Variants in DAB1 observed in about 807,000 individuals in gnomAD.
DAB1 encodes DAB adaptor protein 1.
A neutral mutation model predicts 64.6 loss-of-function variants in DAB1; 15 were observed. That is an observed-to-expected ratio of 0.23 (90% CI 0.16 to 0.36). The LOEUF (loss-of-function observed/expected upper bound fraction) is 0.36, where lower values mean the gene tolerates loss of function less well. Among genes scored for constraint, DAB1 ranks in the 10% least tolerant of loss-of-function variants. The probability of loss-of-function intolerance (pLI) is 1.00; values close to 1 mark genes in which losing one functional copy is unlikely to be tolerated. For missense variants in DAB1, 596 were observed against 706.7 expected (o/e 0.84, Z 1.78); for synonymous variants, 235 against 251.9 (o/e 0.93, Z 0.64).
At chr1:57,967,565 G>A (rs1303311726) in intron 5 of DAB1, among the ~76,000 whole-genome samples, 2 of 152,176 alleles carry the variant, frequency 1.3e-5, no homozygotes, top group Non-Finnish European at 2.9e-5. Flanking sequence ...GGGACAAGGT[G>A]TAGAGTTGGA....
At chr1:57,215,441 C>A (rs1315390889) in intron 2 of DAB1, among the ~76,000 whole-genome samples, 2 of 152,182 alleles carry the variant, frequency 1.3e-5, no homozygotes, top group African/African-American at 4.8e-5. Context: ...ATAGCTTCAT[C>A]TGAAAATTCT....
chr1:58,297,292 G>C (rs552870684), intron 4 of DAB1, among the ~76,000 whole-genome samples: 103 of 152,264 alleles, frequency 6.8e-4, no homozygotes, highest in Non-Finnish European at 1.0e-3. Flanking sequence ...TATTTTAAAT[G>C]ACCTGTAACT....
At chr1:57,135,018 T>C (rs1422514144) in intron 4 of DAB1, among the ~76,000 whole-genome samples, 1 of 152,220 alleles carries the variant, frequency 6.6e-6, no homozygotes, top group Non-Finnish European at 1.5e-5. Flanking sequence ...GAATAATGTA[T>C]GTAAACTGAC....
At chr1:58,498,318 T>C (rs1645840056) in intron 3 of DAB1, among the ~76,000 whole-genome samples, 1 of 152,146 alleles carries the variant, frequency 6.6e-6, no homozygotes, top group African/African-American at 2.4e-5. Context: ...TCACCCTTGA[T>C]TTTACAACTG....
intron 4 of DAB1, among the ~76,000 whole-genome samples, chr1:58,290,266 A>T (rs1661783153): frequency 6.6e-6 from 1 of 152,186 alleles, no homozygotes. Flanking sequence ...GGGATCAGGG[A>T]AGAGCAAACT....
At chr1:57,395,111 A>G (rs1208456804) in intron 1 of DAB1, among the ~76,000 whole-genome samples, 1 of 152,000 alleles carries the variant, frequency 6.6e-6, no homozygotes, top group South Asian at 2.1e-4. Flanking sequence ...TGCAACCTCC[A>G]CCTCCGGGTT....
intron 1 of DAB1, among the ~76,000 whole-genome samples, chr1:57,325,528 C>G (rs759426928): frequency 2.0e-5 from 3 of 152,172 alleles, no homozygotes; most frequent in Non-Finnish European, 2.9e-5. Flanking sequence ...AGAGCAGGTG[C>G]TATTATTATA....
chr1:57,997,686 G>C (rs1386663297), intron 5 of DAB1, among the ~76,000 whole-genome samples: 1 of 152,108 alleles, frequency 6.6e-6, no homozygotes, highest in Admixed American at 6.6e-5. Context: ...AGGGAGAATA[G>C]AAGTGGGGTC....
chr1:58,041,740 A>G lies in DAB1; in HGVS notation n.387+108771T>C, dbSNP rs80290548. On this transcript the variant is annotated intron_variant and non_coding_transcript_variant, in intron 5 of 20. Transcript: ENST00000485760. ...GCTCAAATTCCTCTAGCAAGCTAGA[A>G]TTGGCATTGGCTTCCTGTGTGCTCT... is the stretch of plus-strand genomic sequence containing the variant. Among the ~76,000 whole-genome samples the G allele has an allele frequency of 2.2e-3, 339 of 152,310 alleles. 6 individuals carry two copies. In the East Asian group the frequency reaches 0.046, roughly 21 times the overall value.
intron 5 of DAB1, among the ~76,000 whole-genome samples, chr1:58,099,791 TA>T (rs1393192470): frequency 2.0e-5 from 3 of 152,234 alleles, no homozygotes; most frequent in Admixed American, 2.0e-4. Flanking sequence ...GAAAAAAGTT[TA>T]TTGTGCAAGG....
intron 3 of DAB1, among the ~76,000 whole-genome samples, chr1:58,445,789 C>A (rs1325970348): frequency 6.6e-6 from 1 of 152,204 alleles, no homozygotes; most frequent in Non-Finnish European, 1.5e-5. Context: ...ATAGGAATCA[C>A]TCCACTTGTT....
chr1:58,233,147 G>A (rs1659857764), intron 4 of DAB1, among the ~76,000 whole-genome samples: 1 of 152,180 alleles, frequency 6.6e-6, no homozygotes, highest in Non-Finnish European at 1.5e-5. Context: ...AAAGTAGGGA[G>A]CATTTTCTTA....
intron 2 of DAB1, among the ~76,000 whole-genome samples, chr1:57,151,283 T>C (rs569229768): frequency 6.6e-6 from 1 of 152,300 alleles, no homozygotes; most frequent in Admixed American, 6.5e-5. Context: ...GATTCATTCA[T>C]TCCTTTATTT....
chr1:57,200,560 T>A (rs1437049788), intron 2 of DAB1, among the ~76,000 whole-genome samples: 1 of 152,042 alleles, frequency 6.6e-6, no homozygotes, highest in Non-Finnish European at 1.5e-5. Flanking sequence ...AGTGTTTTAA[T>A]CTTTCTGGGT....
At chr1:57,461,725 C>T (rs1022350182) in intron 7 of DAB1, among the ~76,000 whole-genome samples, 2 of 152,114 alleles carry the variant, frequency 1.3e-5, no homozygotes, top group African/African-American at 2.4e-5. Context: ...CTCATTCATG[C>T]CCCTGTGCAT....
chr1:58,066,965 G>T lies in DAB1; in HGVS notation n.387+83546C>A, dbSNP rs568208395. Among the ~76,000 whole-genome samples the T allele has an allele frequency of 6.6e-5, 10 of 152,260 alleles. No individual in the cohort carries two copies. The South Asian group carries it at 2.1e-3, about 32-fold the overall frequency. ...GCTCTGCAGGGCCTGCTCCGGCCTCGCCATTCTCCTTGTATCCCAACACCT... is the reference window on the plus strand; with the variant it reads ...GCTCTGCAGGGCCTGCTCCGGCCTCTCCATTCTCCTTGTATCCCAACACCT... On this transcript the variant is annotated intron_variant and non_coding_transcript_variant, in intron 5 of 20. Transcript: ENST00000485760.
chr1:57,572,216 C>T (rs894768876), intron 7 of DAB1, among the ~76,000 whole-genome samples: 1 of 152,144 alleles, frequency 6.6e-6, no homozygotes, highest in African/African-American at 2.4e-5. Context: ...TCTCACATGG[C>T]GGCCAAGCAT....
chr1:57,373,839 C>T (rs371971143), intron 1 of DAB1, among the ~76,000 whole-genome samples: 1 of 152,082 alleles, frequency 6.6e-6, no homozygotes, highest in Non-Finnish European at 1.5e-5. Context: ...TTTCCCGTTG[C>T]AAATTATATA....
intron 14 of DAB1, among the ~76,000 whole-genome samples, chr1:56,999,189 A>G (rs929538988): frequency 3.3e-5 from 5 of 152,210 alleles, no homozygotes; most frequent in African/African-American, 1.2e-4. Flanking sequence ...GTCTGGCACC[A>G]TGCTAGGTAT....
Sources: allele counts gnomAD v4.1 joint callset (sites outside exome capture counted in the v4.1 genomes callset), GRCh38; gene constraint gnomAD v4.1.1; transcripts MANE v1.5; gene names NCBI Gene and HGNC (gene_info 2026-07-23, HGNC 2026-07-21).